ADAM12: variants seen among roughly 807,000 people sequenced by gnomAD.
ADAM12 encodes ADAM metallopeptidase domain 12.
In ADAM12, 70 loss-of-function variants were observed where a neutral mutation model predicts 106.4. The observed-to-expected ratio is 0.66, with a 90% CI of 0.54 to 0.80. The LOEUF (loss-of-function observed/expected upper bound fraction) is 0.80, where lower values mean the gene tolerates loss of function less well. Ranked by LOEUF, ADAM12 falls within the 30% of genes least tolerant of loss-of-function variation. ADAM12 has a pLI of 0.00. For synonymous variants in ADAM12, 420 were observed against 433.5 expected (o/e 0.97, Z 0.39); for missense variants, 1,010 against 1,171.9 (o/e 0.86, Z 2.02).
At chr10:126,040,394 T>C (rs1405471530) in intron 18 of ADAM12, among the ~76,000 whole-genome samples, 1 of 152,200 alleles carries the variant, frequency 6.6e-6, no homozygotes. Context: ...TTACCTGGGC[T>C]CTCCTCGGCC....
intron 11 of ADAM12, among the ~76,000 whole-genome samples, chr10:126,075,960 G>A (rs1955092313): frequency 6.6e-6 from 1 of 152,178 alleles, no homozygotes; most frequent in Non-Finnish European, 1.5e-5. Context: ...TAGCAATGAA[G>A]GGGTACATGT....
chr10:126,122,765 C>CA (rs200616961), intron 5 of ADAM12, among the ~76,000 whole-genome samples: 1,665 of 151,234 alleles, frequency 0.011, 32 homozygotes, highest in African/African-American at 0.038. Context: ...CTCTCAAAAA[C>CA]AAAAAAAACA....
At chr10:126,128,884 G>A (rs1280262245) in intron 5 of ADAM12, among the ~76,000 whole-genome samples, 14 of 148,882 alleles carry the variant, frequency 9.4e-5, no homozygotes, top group South Asian at 4.3e-4. Context: ...TGTGTGGTGC[G>A]CGTGTGGGAA....
intron 18 of ADAM12, among the ~76,000 whole-genome samples, chr10:126,040,902 C>T (rs1954151000): frequency 6.6e-6 from 1 of 152,116 alleles, no homozygotes; most frequent in Non-Finnish European, 1.5e-5. Context: ...CCCTCTTCCC[C>T]AGGACCAGCA....
chr10:126,221,285 G>C (rs1046407160), intron 3 of ADAM12, among the ~76,000 whole-genome samples: 3 of 151,866 alleles, frequency 2.0e-5, no homozygotes, highest in Non-Finnish European at 4.4e-5. Context: ...TTGGCAGTCT[G>C]AGGCAGCAGA....
chr10:126,073,050 T>C (rs1200024424), intron 11 of ADAM12, among the ~76,000 whole-genome samples: 1 of 152,188 alleles, frequency 6.6e-6, no homozygotes, highest in Non-Finnish European at 1.5e-5. Flanking sequence ...TCCCCAAGTA[T>C]ATAAGGCATA....
intron 11 of ADAM12, among the ~76,000 whole-genome samples, chr10:126,080,861 C>T (rs1487882889): frequency 2.6e-5 from 4 of 152,154 alleles, no homozygotes; most frequent in African/African-American, 9.7e-5. Flanking sequence ...ATTATTAGGG[C>T]TTACTTTTAC....
chr10:126,295,631 G>T (rs1021429745), intron 2 of ADAM12, among the ~76,000 whole-genome samples: 1 of 151,094 alleles, frequency 6.6e-6, no homozygotes, highest in Non-Finnish European at 1.5e-5. Flanking sequence ...CATCCAAACT[G>T]ACAATCATAG....
intron 8 of ADAM12, among the ~76,000 whole-genome samples, chr10:126,103,857 G>A (rs964287612): frequency 2.6e-5 from 4 of 152,324 alleles, no homozygotes; most frequent in African/African-American, 7.2e-5. Context: ...GGGCTGGGCC[G>A]GCAGTGGCAG....
At chr10:126,102,969 G>T (rs1703684705) in intron 8 of ADAM12, among the ~76,000 whole-genome samples, 2 of 152,222 alleles carry the variant, frequency 1.3e-5, no homozygotes, top group South Asian at 4.1e-4. Context: ...ACACCAGCTT[G>T]CTAAGAGATG....
intron 1 of ADAM12, among the ~76,000 whole-genome samples, chr10:126,355,299 C>G (rs1283233378): frequency 6.6e-6 from 1 of 152,176 alleles, no homozygotes; most frequent in African/African-American, 2.4e-5. Flanking sequence ...ATTCTTCTGA[C>G]AGGCCAAATA....
chr10:126,220,672 C>T (rs1400653032), intron 3 of ADAM12, among the ~76,000 whole-genome samples: 4 of 152,240 alleles, frequency 2.6e-5, no homozygotes, highest in Non-Finnish European at 5.9e-5. Context: ...GTCCTCCCTT[C>T]TCTGTGATGC....
At chr10:126,133,119 T>C (rs1003101588) in intron 5 of ADAM12, among the ~76,000 whole-genome samples, 1 of 152,200 alleles carries the variant, frequency 6.6e-6, no homozygotes, top group Non-Finnish European at 1.5e-5. Flanking sequence ...CTGATTCCAC[T>C]GATATCACCT....
chr10:126,077,099 T>C (rs1381420115), intron 11 of ADAM12, among the ~76,000 whole-genome samples: 8 of 152,190 alleles, frequency 5.3e-5, no homozygotes, highest in Non-Finnish European at 4.4e-5. Flanking sequence ...AGCATTTCTC[T>C]ACACCAATAA....
rs147327190 is a variant in ADAM12, at chr10:126,321,383, C to T, written c.186+9029G>A. 2.0e-4 allele frequency among the ~76,000 whole-genome samples: 31 copies of T among 151,960 alleles called. No homozygotes were observed. In the South Asian group the frequency reaches 5.8e-3, roughly 29 times the overall value. On this transcript the variant is annotated intron_variant, in intron 2 of 22. Coordinates refer to ENST00000448723, the MANE Select transcript of ADAM12 (RefSeq NM_001288973.2). ...AAAAGGTACAGAATCTAAGACAACC[C>T]GATTCAATAAAAACAATTTAAAAGT...
chr10:126,388,168 A>G lies in ADAM12; in HGVS notation c.-23T>C, dbSNP rs764057333. ...CATCGTCGCCGGCCTTCAGTGCAGC[A>G]GCTCTCGGGCCCGGCGGCGAGCGCT... On this transcript the variant is annotated 5_prime_UTR_variant, in exon 1 of 23. Coordinates refer to ENST00000448723, the MANE Select transcript of ADAM12 (RefSeq NM_001288973.2). This position sits in a 1 kb window ranked among gnomAD's most constrained non-coding sequence, Gnocchi z 4.4. 1 of 1,205,636 alleles carries G rather than the reference A, an allele frequency of 8.3e-7. No individual in the cohort carries two copies. The allele number at this position is 1,205,636 out of a possible 1,614,324, so 74.7% of individuals were successfully genotyped here.
Position 126,149,381 on chromosome 10 carries a change from C to T in ADAM12, c.339+5846G>A, listed in dbSNP as rs141564617. Among the ~76,000 whole-genome samples the T allele has an allele frequency of 5.4e-3, 817 of 152,276 alleles. 3 individuals are homozygous for T. The highest frequency in any genetic ancestry group is 8.8e-3 in the Non-Finnish European group (601 of 68,030). The stretch of plus-strand genomic sequence containing the variant: ...CTGTTTCTCTAGTCCTCTATTTCTT[C>T]GTCTTCTTGCTTATTGCATTTTTCC... On this transcript the variant is annotated intron_variant, in intron 4 of 22. Transcript: ENST00000448723.
intron 3 of ADAM12, among the ~76,000 whole-genome samples, chr10:126,166,074 T>C (rs1957018653): frequency 6.6e-6 from 1 of 152,248 alleles, no homozygotes; most frequent in Non-Finnish European, 1.5e-5. Context: ...ATACAGCATT[T>C]TGGAAGCTGT....
At chr10:126,051,740 A>G (rs951248820) in intron 14 of ADAM12, among the ~76,000 whole-genome samples, 5 of 152,200 alleles carry the variant, frequency 3.3e-5, no homozygotes, top group Admixed American at 2.6e-4. Flanking sequence ...AGCACCTACT[A>G]TCTTCCAGAC....
Sources: allele counts gnomAD v4.1 joint callset (sites outside exome capture counted in the v4.1 genomes callset), GRCh38; gene constraint gnomAD v4.1.1; non-coding constraint Gnocchi (gnomAD v3.1); transcripts MANE v1.5; gene names NCBI Gene and HGNC (gene_info 2026-07-23, HGNC 2026-07-21).